Variants in CCDC170 observed in about 807,000 individuals in gnomAD.
The protein encoded by CCDC170 is coiled-coil domain-containing protein 170.
In CCDC170, 69 loss-of-function variants were observed where a neutral mutation model predicts 72.6. The observed-to-expected ratio is 0.95, with a 90% CI of 0.78 to 1.16. The LOEUF is 1.16. CCDC170 is among the 50% of genes most tolerant of loss of function. The pLI, the probability that CCDC170 is intolerant of heterozygous loss-of-function variation, is 0.00. For missense variants in CCDC170, 852 were observed against 832.5 expected, an observed-to-expected ratio of 1.02 and a Z score of -0.29; for synonymous variants, 300 against 303.9, an observed-to-expected ratio of 0.99 and a Z score of 0.13.
chr6:151,577,683 G>C (rs1359092487), intron 6 of CCDC170, among the ~76,000 whole-genome samples: 1 of 152,158 alleles, frequency 6.6e-6, no homozygotes, highest in African/African-American at 2.4e-5. Flanking sequence ...CTGCGCACCC[G>C]CACCAGTGCC....
rs1017166503 is a variant in CCDC170 at position 151,542,213 on chromosome 6, A to G, written c.444-2359A>G. Among the ~76,000 whole-genome samples the G allele has an allele frequency of 5.3e-5, 8 of 151,136 alleles. No individual in the cohort carries two copies. In the South Asian group the frequency reaches 1.0e-3, roughly 20 times the overall value. On this transcript the variant is annotated intron_variant, in intron 3 of 10. Coordinates refer to ENST00000239374, the MANE Select transcript of CCDC170 (RefSeq NM_025059.4). ...TAAATATTTTAAAAACTCATTTAGT[A>G]TATAATTTTATTTATTTACTTATTT...
chr6:151,515,958 C>T (rs565431943), intron 1 of CCDC170, among the ~76,000 whole-genome samples: 8 of 151,586 alleles, frequency 5.3e-5, no homozygotes, highest in South Asian at 2.1e-4. Context: ...CCCAGCTACT[C>T]GGGAGGCTGA....
At chr6:151,560,588 G>A (rs1486896423) in intron 5 of CCDC170, among the ~76,000 whole-genome samples, 3 of 151,948 alleles carry the variant, frequency 2.0e-5, no homozygotes, top group African/African-American at 7.3e-5. Context: ...TTATTGTATG[G>A]CTATCTCTTT....
intron 3 of CCDC170, among the ~76,000 whole-genome samples, chr6:151,539,260 C>CAAA (rs11412896): frequency 2.0e-5 from 3 of 148,116 alleles, no homozygotes; most frequent in African/African-American, 2.5e-5. Flanking sequence ...GACTCTGTCT[C>CAAA]AAAAAAAAAA....
chr6:151,547,794 G>A (rs990201190), intron 4 of CCDC170, among the ~76,000 whole-genome samples: 1 of 152,182 alleles, frequency 6.6e-6, no homozygotes, highest in African/African-American at 2.4e-5. Flanking sequence ...AACATAGTGA[G>A]CAAAAGCCCT....
At chr6:151,604,024 T>C (rs977129392) in intron 9 of CCDC170, among the ~76,000 whole-genome samples, 4 of 152,120 alleles carry the variant, frequency 2.6e-5, no homozygotes, top group Admixed American at 6.5e-5. Flanking sequence ...GGCCCAACCT[T>C]AGTAAGGAGC....
rs781076177 is a variant in CCDC170 at position 151,544,651 on chromosome 6, C to T, written c.523C>T (p.Leu175=). ...GAAACATGAGGAATTTCTGACTCAA[C>T]TGCGTGACTGCTTGGATCCAGATGA... ...CRKHEEFLTQ[L]RDCLDPDERN... is the part of the protein sequence containing the mutation. The change falls in exon 4 of 11, where the codon CTG becomes TTG. Residue 175 remains leucine, a synonymous_variant. Coordinates refer to ENST00000239374, the MANE Select transcript of CCDC170 (RefSeq NM_025059.4). The T allele has an allele frequency of 2.5e-6, 4 of 1,613,720 alleles. No individual in the cohort carries two copies. Among genetic ancestry groups the T allele is most frequent in the South Asian group, 2.2e-5 (2 of 91,034 alleles).
At chr6:151,515,073 C>G (rs1460566202) in intron 1 of CCDC170, among the ~76,000 whole-genome samples, 1 of 152,186 alleles carries the variant, frequency 6.6e-6, no homozygotes, top group Non-Finnish European at 1.5e-5. Flanking sequence ...CTTATATTAA[C>G]TAAACAAATG....
chr6:151,519,532 A>G (rs1782287443), intron 1 of CCDC170, among the ~76,000 whole-genome samples: 1 of 152,228 alleles, frequency 6.6e-6, no homozygotes, highest in African/African-American at 2.4e-5. Context: ...CTCTCAGCTT[A>G]CGAAGTTAAG....
chr6:151,548,723 A>AATTC (rs1217606747), intron 5 of CCDC170, among the ~76,000 whole-genome samples: 4 of 151,370 alleles, frequency 2.6e-5, no homozygotes, highest in Non-Finnish European at 5.9e-5. Flanking sequence ...AATTTTAATT[A>AATTC]ATTAATTAAT....
chr6:151,574,350 C>T (rs1776271702), intron 6 of CCDC170, among the ~76,000 whole-genome samples: 1 of 152,236 alleles, frequency 6.6e-6, no homozygotes, highest in African/African-American at 2.4e-5. Context: ...CTCTGCTGTA[C>T]ATTCACTCAC....
intron 5 of CCDC170, among the ~76,000 whole-genome samples, chr6:151,568,339 G>C (rs1027116108): frequency 3.9e-5 from 6 of 152,098 alleles, no homozygotes; most frequent in Non-Finnish European, 8.8e-5. Flanking sequence ...CAAACTTCAG[G>C]CTTGGTGTAA....
intron 5 of CCDC170, among the ~76,000 whole-genome samples, chr6:151,551,765 A>G (rs1782882259): frequency 6.6e-6 from 1 of 152,172 alleles, no homozygotes; most frequent in African/African-American, 2.4e-5. Flanking sequence ...CCTGCTCAAC[A>G]GGTTGGCCCT....
In CCDC170 at chr6:151,501,776, G is replaced by C. The variant is rs567141304; in HGVS notation, c.57+7591G>C. Among the ~76,000 whole-genome samples the C allele has an allele frequency of 8.5e-5, 13 of 152,176 alleles. No homozygotes were observed. The South Asian group carries it at 2.5e-3, about 29-fold the overall frequency. On this transcript the variant is annotated intron_variant, in intron 1 of 10. Coordinates refer to ENST00000239374, the MANE Select transcript of CCDC170 (RefSeq NM_025059.4). ...TTTCAAACAATAGTGAATACTCCTT[G>C]GTTTGTACTTGAATTGAGTTGACTA... is the stretch of plus-strand genomic sequence containing the variant.
At chr6:151,547,929 A>G (rs1464756960) in intron 4 of CCDC170, among the ~76,000 whole-genome samples, 4 of 152,234 alleles carry the variant, frequency 2.6e-5, no homozygotes, top group African/African-American at 9.6e-5. Flanking sequence ...CTCCAGTGCC[A>G]CATGGTGACT....
chr6:151,543,770 G>T (rs1000600986), intron 3 of CCDC170, among the ~76,000 whole-genome samples: 4 of 151,992 alleles, frequency 2.6e-5, no homozygotes, highest in Non-Finnish European at 5.9e-5. Flanking sequence ...TATCCTCCAG[G>T]TTCATCCATA....
rs1470426492 is a variant in CCDC170, at chr6:151,621,164, A to G, written c.*3017A>G. 6.6e-6 allele frequency: 1 copy of G among 152,238 alleles called. No individual in the cohort carries two copies. 9.4% of individuals were successfully genotyped at this position (152,238 alleles called of 1,614,324 possible). ...TTTGGACAAATTGAAAACTTTTAAT[A>G]AAGCCATTTTCTTCTTTGTTAAAAT... On this transcript the variant is annotated 3_prime_UTR_variant, in exon 11 of 11. Coordinates refer to ENST00000239374, the MANE Select transcript of CCDC170 (RefSeq NM_025059.4).
At chr6:151,517,752 T>C (rs1001400277) in intron 1 of CCDC170, among the ~76,000 whole-genome samples, 2 of 152,104 alleles carry the variant, frequency 1.3e-5, no homozygotes, top group African/African-American at 4.8e-5. Flanking sequence ...ACTAATAATT[T>C]CTTCTTAACT....
At chr6:151,617,408 C>CTTTT (rs745655791) in intron 10 of CCDC170, among the ~76,000 whole-genome samples, 5 of 91,470 alleles carry the variant, frequency 5.5e-5, no homozygotes, top group Non-Finnish European at 8.6e-5. Context: ...GCTGTTTGTT[C>CTTTT]TTTTTTTTTT....
Sources: allele counts gnomAD v4.1 joint callset (sites outside exome capture counted in the v4.1 genomes callset), GRCh38; gene constraint gnomAD v4.1.1; transcripts MANE v1.5; gene names NCBI Gene and HGNC (gene_info 2026-07-23, HGNC 2026-07-21).